The following RSPO4 variants were observed in gnomAD, a reference collection of about 807,000 sequenced individuals.
RSPO4 encodes the protein R-spondin-4.
In RSPO4, 23 loss-of-function variants were observed where a neutral mutation model predicts 24.8. The observed-to-expected ratio is 0.93, with a 90% CI of 0.67 to 1.31. RSPO4 has a LOEUF of 1.31. Among genes scored for constraint, RSPO4 ranks in the 40% most tolerant of loss-of-function variants. RSPO4 has a pLI of 0.00. For missense variants in RSPO4, 333 were observed against 316.5 expected (o/e 1.05, Z -0.39); for synonymous variants, 141 against 127.4 (o/e 1.11, Z -0.72).
chr20:994,778 G>T (rs774235420), intron 1 of RSPO4, among the ~76,000 whole-genome samples: 3 of 152,152 alleles, frequency 2.0e-5, no homozygotes, highest in South Asian at 2.1e-4. Flanking sequence ...TGGCCAGGCT[G>T]GTCTCGAACT....
rs186174953 is a variant in RSPO4 at position 963,878 on chromosome 20, G to A, written c.595+57C>T. On this transcript the variant is annotated intron_variant, in intron 4 of 4. Transcript: ENST00000217260. ...ATTTGTGGGGCAGTGATCTGAGTCCGCCCTGTCCCTGTGGGCCTTTCCCAC... is the reference window on the plus strand; with the variant it reads ...ATTTGTGGGGCAGTGATCTGAGTCCACCCTGTCCCTGTGGGCCTTTCCCAC... 92 of 1,551,276 alleles carry A rather than the reference G, an allele frequency of 5.9e-5. 1 individual carries two copies. The highest frequency in any genetic ancestry group is 4.4e-4 in the Middle Eastern group (2 of 4,544).
At chr20:972,089 A>G (rs1984425909) in intron 1 of RSPO4, among the ~76,000 whole-genome samples, 1 of 152,126 alleles carries the variant, frequency 6.6e-6, no homozygotes. Context: ...TTTTGAGGCA[A>G]GGTCTTGCTC....
At chr20:979,525 C>T (rs1444270641) in intron 1 of RSPO4, among the ~76,000 whole-genome samples, 1 of 152,150 alleles carries the variant, frequency 6.6e-6, no homozygotes, top group Non-Finnish European at 1.5e-5. Context: ...GATGCTGCTG[C>T]AGGAAGCATA....
At chr20:967,424 TG>T (rs1004654025) in intron 2 of RSPO4, 110 bp from the exon 3 acceptor site, 6 of 1,194,534 alleles carry the variant, frequency 5.0e-6, no homozygotes, top group East Asian at 2.3e-5. Flanking sequence ...TGGTAGCATT[TG>T]GGTCAGGACT....
intron 1 of RSPO4, among the ~76,000 whole-genome samples, chr20:996,038 T>G (rs185884714): frequency 1.6e-4 from 24 of 152,368 alleles, no homozygotes; most frequent in African/African-American, 5.3e-4. Context: ...AAAAGGAGGT[T>G]GGCAAAAATC....
At chr20:990,216 A>C (rs960432980) in intron 1 of RSPO4, among the ~76,000 whole-genome samples, 1 of 152,106 alleles carries the variant, frequency 6.6e-6, no homozygotes, top group Non-Finnish European at 1.5e-5. Flanking sequence ...ATTTAAAGTC[A>C]TACGTCTCTC....
intron 1 of RSPO4, among the ~76,000 whole-genome samples, chr20:976,932 T>G (rs1196962696): frequency 6.6e-6 from 1 of 152,240 alleles, no homozygotes; most frequent in African/African-American, 2.4e-5. Flanking sequence ...CTGGGTCTGC[T>G]GTCACAGGGC....
At chr20:992,538 C>A (rs1985144393) in intron 1 of RSPO4, among the ~76,000 whole-genome samples, 1 of 152,152 alleles carries the variant, frequency 6.6e-6, no homozygotes, top group Non-Finnish European at 1.5e-5. Flanking sequence ...AACCTCTCCC[C>A]CCATGACGCA....
chr20:963,920 T>A lies in RSPO4; in HGVS notation c.595+15A>T. 6.2e-7 allele frequency: 1 copy of A among 1,613,150 alleles called. No homozygotes were observed. The highest frequency in any genetic ancestry group is 8.5e-7 in the Non-Finnish European group (1 of 1,179,856). On this transcript the variant is annotated intron_variant, in intron 4 of 4. Transcript: ENST00000217260. ...CTTTCCCACCGCAGCCTCGTGTGCC[T>A]GTCCTGGGGCTCACCTCCTGGGCAG...
rs536820649 is a variant in RSPO4, at chr20:981,553, A to G, written c.80-13415T>C. On this transcript the variant is annotated intron_variant, in intron 1 of 4. Transcript: ENST00000217260. The surrounding 1 kb of genome is among the most constrained non-coding windows in gnomAD (Gnocchi z 4.6). ...AAGATAAGATATAAAATAAAATAAA[A>G]TAAAAATAAAATATCAAATGGGCAA... Among the ~76,000 whole-genome samples the G allele has an allele frequency of 2.0e-5, 3 of 152,284 alleles. No individual in the cohort carries two copies. The highest frequency in any genetic ancestry group is 7.2e-5 in the African/African-American group (3 of 41,562).
intron 4 of RSPO4, among the ~76,000 whole-genome samples, chr20:961,914 A>C (rs902700226): frequency 6.6e-6 from 1 of 151,542 alleles, no homozygotes; most frequent in Admixed American, 6.6e-5. Context: ...CTGTTCACCT[A>C]TCTACCTACC....
At chr20:997,667 G>A (rs1156979371) in intron 1 of RSPO4, among the ~76,000 whole-genome samples, 2 of 152,182 alleles carry the variant, frequency 1.3e-5, no homozygotes, top group East Asian at 1.9e-4. Flanking sequence ...GCTTGCCCAG[G>A]GCCTGGTGCA....
chr20:985,966 G>A (rs772189059), intron 1 of RSPO4, among the ~76,000 whole-genome samples: 1 of 152,232 alleles, frequency 6.6e-6, no homozygotes, highest in African/African-American at 2.4e-5. Context: ...AAGGGGTGGG[G>A]TCTGGCAGAG....
chr20:982,950 A>T (rs981580926), intron 1 of RSPO4, among the ~76,000 whole-genome samples: 1 of 152,186 alleles, frequency 6.6e-6, no homozygotes. Flanking sequence ...CAGGATGCTC[A>T]GTGTCACAGG....
intron 1 of RSPO4, among the ~76,000 whole-genome samples, chr20:995,922 C>G (rs1462287143): frequency 6.6e-6 from 1 of 152,194 alleles, no homozygotes; most frequent in Non-Finnish European, 1.5e-5. Context: ...CATATATGTG[C>G]ATGCACACTC....
intron 1 of RSPO4, among the ~76,000 whole-genome samples, chr20:993,797 C>A (rs1469537472): frequency 1.3e-5 from 2 of 152,134 alleles, no homozygotes; most frequent in Admixed American, 1.3e-4. Flanking sequence ...AATGAATGTG[C>A]CTCTCTTTTA....
intron 3 of RSPO4, 52 bp downstream of exon 3, chr20:967,122 C>A: frequency 6.3e-7 from 1 of 1,580,232 alleles, no homozygotes; most frequent in Non-Finnish European, 8.6e-7. Flanking sequence ...ACCAAGCCCC[C>A]GCTCCAGGGA....
chr20:961,286 G>T (rs1031444810), intron 4 of RSPO4, among the ~76,000 whole-genome samples: 1 of 152,288 alleles, frequency 6.6e-6, no homozygotes, highest in South Asian at 2.1e-4. Flanking sequence ...CTCCTACATT[G>T]CTTGGGCCCC....
chr20:1,001,962 G>A (rs1191966573), intron 1 of RSPO4, 124 bp downstream of exon 1: 7 of 745,446 alleles, frequency 9.4e-6, no homozygotes, highest in East Asian at 5.8e-5. Flanking sequence ...CTCGTCTGGA[G>A]GAGCGAAGGA....
Sources: gnomAD v4.1 joint callset for allele counts (sites outside exome capture counted in the v4.1 genomes callset) on GRCh38, gnomAD v4.1.1 for gene constraint, Gnocchi (gnomAD v3.1) non-coding constraint, MANE v1.5 for transcripts, NCBI Gene and HGNC (gene_info 2026-07-23, HGNC 2026-07-21) for gene names.